VAV2: variants seen among roughly 807,000 people sequenced by gnomAD.
VAV2 encodes guanine nucleotide exchange factor VAV2.
VAV2 carries 67 observed loss-of-function variants against 132.5 expected under a neutral mutation model. That is an observed-to-expected ratio of 0.51 (90% CI 0.42 to 0.62). The LOEUF is 0.62. Ranked by LOEUF, VAV2 falls within the 20% of genes least tolerant of loss-of-function variation. The pLI is 0.00. For synonymous variants in VAV2, 492 were observed against 443.5 expected (o/e 1.11, Z -1.37); for missense variants, 938 against 1,153.6 (o/e 0.81, Z 2.71).
rs1003184564 is a variant in VAV2 at position 133,883,462 on chromosome 9, T to G, written c.322-22030A>C. Among the ~76,000 whole-genome samples, 1 of 152,088 alleles carries G rather than the reference T, an allele frequency of 6.6e-6. No individual in the cohort carries two copies. ...GACCTGCTGCAGCAGCTCAGCCACT[T>G]AAAAATTCGTCGGAACATGTTGAAA... is the stretch of plus-strand genomic sequence containing the variant. On this transcript the variant is annotated intron_variant, in intron 2 of 29. Coordinates refer to ENST00000371850, the MANE Select transcript of VAV2 (RefSeq NM_001134398.2). The surrounding 1 kb of genome is among the most constrained non-coding windows in gnomAD (Gnocchi z 4.2).
At chr9:133,979,851 A>C (rs435586) in intron 1 of VAV2, among the ~76,000 whole-genome samples, 1 of 152,096 alleles carries the variant, frequency 6.6e-6, no homozygotes, top group Non-Finnish European at 1.5e-5. Flanking sequence ...CTGTCACCTC[A>C]TCAGGGAGCC....
intron 8 of VAV2, among the ~76,000 whole-genome samples, chr9:133,807,019 C>T (rs1313942981): frequency 2.0e-5 from 3 of 152,254 alleles, no homozygotes; most frequent in Non-Finnish European, 4.4e-5. Flanking sequence ...TGCCTCCAGC[C>T]ACGCACGTCA....
At chr9:133,906,967 G>A (rs899735551) in intron 2 of VAV2, among the ~76,000 whole-genome samples, 7 of 152,138 alleles carry the variant, frequency 4.6e-5, no homozygotes, top group Admixed American at 1.3e-4. Flanking sequence ...CTGCCACTGG[G>A]CCCAGCGAGC....
intron 26 of VAV2, among the ~76,000 whole-genome samples, chr9:133,771,062 CTTTTT>C (rs148597917): frequency 1.7e-5 from 2 of 117,700 alleles, no homozygotes; most frequent in African/African-American, 6.6e-5. Flanking sequence ...TATGGATTTT[CTTTTT>C]TTTTTTTTTT....
rs1023697467 is a variant in VAV2 at position 133,973,833 on chromosome 9, C to G, written c.204+18242G>C. Reference sequence around the variant, plus strand: ...TAAAGAGGAAGACAAAATGCAGGGCCCCCCCAGGCCTTGGGATAAGCATCA... The same window carrying G: ...TAAAGAGGAAGACAAAATGCAGGGCGCCCCCAGGCCTTGGGATAAGCATCA... On this transcript the variant is annotated intron_variant, in intron 1 of 29. Transcript: ENST00000371850. 3.3e-5 allele frequency among the ~76,000 whole-genome samples: 5 copies of G among 152,274 alleles called. No homozygotes were observed. The East Asian group carries it at 7.7e-4, about 24-fold the overall frequency.
At chr9:133,814,003 T>C (rs1835459828) in intron 4 of VAV2, among the ~76,000 whole-genome samples, 1 of 152,084 alleles carries the variant, frequency 6.6e-6, no homozygotes, top group Non-Finnish European at 1.5e-5. Flanking sequence ...TATCCTCTCC[T>C]CTCTCCCCAC....
chr9:133,929,236 C>T (rs887626823), intron 2 of VAV2, among the ~76,000 whole-genome samples: 1 of 152,150 alleles, frequency 6.6e-6, no homozygotes, highest in African/African-American at 2.4e-5. Context: ...GAAGCACCAG[C>T]AGTCTCCCAC....
chr9:133,979,639 C>A (rs1332447080), intron 1 of VAV2, among the ~76,000 whole-genome samples: 3 of 151,766 alleles, frequency 2.0e-5, no homozygotes, highest in Non-Finnish European at 4.4e-5. Flanking sequence ...TAATCCGGGC[C>A]CGGCCCCGCC....
At chr9:133,862,307 C>T (rs1333700879) in intron 2 of VAV2, among the ~76,000 whole-genome samples, 1 of 152,192 alleles carries the variant, frequency 6.6e-6, no homozygotes, top group African/African-American at 2.4e-5. Flanking sequence ...ACGGGGAACC[C>T]GCGGTGGGGG....
chr9:133,941,565 T>C (rs1227409273), intron 1 of VAV2, among the ~76,000 whole-genome samples: 6 of 146,706 alleles, frequency 4.1e-5, no homozygotes, highest in African/African-American at 1.3e-4. Flanking sequence ...TTCTGAAGAA[T>C]ACAGACATGA....
chr9:133,768,676 G>T lies in VAV2; in HGVS notation c.2435-80C>A. 2 of 1,524,904 alleles carry T rather than the reference G, an allele frequency of 1.3e-6. No homozygotes were observed. Among genetic ancestry groups the T allele is most frequent in the Non-Finnish European group, 8.8e-7 (1 of 1,136,444 alleles). The allele number at this position is 1,524,904 out of a possible 1,614,324, so 94.5% of individuals were successfully genotyped here. A position where few individuals can be genotyped will look rare whatever the true frequency, so the allele number is the denominator to read the frequency against. ...TCCAGGAGGCCCTTGGGCCAAGCTGGGTCTCTCCCCTGGTGCCCAGAACCC... is the reference window on the plus strand; with the variant it reads ...TCCAGGAGGCCCTTGGGCCAAGCTGTGTCTCTCCCCTGGTGCCCAGAACCC... On this transcript the variant is annotated intron_variant, in intron 28 of 29. Transcript: ENST00000371850. This position sits in a 1 kb window ranked among gnomAD's most constrained non-coding sequence, Gnocchi z 5.3.
Position 133,928,690 on chromosome 9 carries a change from C to T in VAV2, c.321+10413G>A, listed in dbSNP as rs149870116. Among the ~76,000 whole-genome samples the T allele has an allele frequency of 8.5e-5, 13 of 152,326 alleles. No homozygotes were observed. The highest frequency in any genetic ancestry group is 2.6e-4 in the Admixed American group (4 of 15,308). On this transcript the variant is annotated intron_variant, in intron 2 of 29. Transcript: ENST00000371850. This position sits in a 1 kb window ranked among gnomAD's most constrained non-coding sequence, Gnocchi z 5.4. ...GGAGATAAGGGGTGCTGGATCAATA[C>T]CCCAAGGTTACTGCTGTGTTCTCCC...
intron 2 of VAV2, among the ~76,000 whole-genome samples, chr9:133,921,558 T>C (rs1840298123): frequency 6.6e-6 from 1 of 152,132 alleles, no homozygotes; most frequent in Non-Finnish European, 1.5e-5. Flanking sequence ...AGCCTCTCCC[T>C]GTGCCTCTCC....
chr9:133,863,663 C>A lies in VAV2; in HGVS notation c.322-2231G>T, dbSNP rs1185400702. Among the ~76,000 whole-genome samples the A allele has an allele frequency of 1.3e-5, 2 of 152,188 alleles. No homozygotes were observed. Among genetic ancestry groups the A allele is most frequent in the Non-Finnish European group, 2.9e-5 (2 of 68,020 alleles). ...GGGCCTGCAGCATCGATGGGGCAGCCCCTTCCATGGGTTCAGCATGGCCAG... is the reference window on the plus strand; with the variant it reads ...GGGCCTGCAGCATCGATGGGGCAGCACCTTCCATGGGTTCAGCATGGCCAG... On this transcript the variant is annotated intron_variant, in intron 2 of 29. Coordinates refer to ENST00000371850, the MANE Select transcript of VAV2 (RefSeq NM_001134398.2). This position sits in a 1 kb window ranked among gnomAD's most constrained non-coding sequence, Gnocchi z 5.0.
intron 1 of VAV2, among the ~76,000 whole-genome samples, chr9:133,964,725 T>TG (rs1842090808): frequency 1.3e-5 from 2 of 152,130 alleles, no homozygotes; most frequent in South Asian, 4.1e-4. Flanking sequence ...AAAAACCATA[T>TG]GATCATCTCA....
intron 25 of VAV2, 73 bp downstream of exon 25, chr9:133,774,862 G>A: frequency 1.5e-6 from 2 of 1,358,178 alleles, no homozygotes. Flanking sequence ...CTCAGGACGT[G>A]GAGAGGATGG....
At chr9:133,817,928 C>G (rs1483354728) in intron 4 of VAV2, among the ~76,000 whole-genome samples, 3 of 152,132 alleles carry the variant, frequency 2.0e-5, no homozygotes, top group Admixed American at 1.3e-4. Context: ...ACCCAGAGAG[C>G]TGGTGAAGCG....
intron 3 of VAV2, among the ~76,000 whole-genome samples, chr9:133,848,975 A>G (rs1837061445): frequency 6.6e-6 from 1 of 152,138 alleles, no homozygotes; most frequent in Non-Finnish European, 1.5e-5. Context: ...TATAAATCCC[A>G]CCACAAAACA....
intron 9 of VAV2, among the ~76,000 whole-genome samples, chr9:133,798,076 C>T (rs934085408): frequency 6.6e-6 from 1 of 152,176 alleles, no homozygotes; most frequent in Non-Finnish European, 1.5e-5. Context: ...GGTCAGGTCC[C>T]GGCTGGGATG....
Sources: gnomAD v4.1 joint callset for allele counts (sites outside exome capture counted in the v4.1 genomes callset) on GRCh38, gnomAD v4.1.1 for gene constraint, Gnocchi (gnomAD v3.1) non-coding constraint, MANE v1.5 for transcripts, NCBI Gene and HGNC (gene_info 2026-07-23, HGNC 2026-07-21) for gene names.